Variants in CCDC77 observed in about 807,000 individuals in gnomAD.
CCDC77 encodes coiled-coil domain-containing protein 77.
Under a neutral mutation model 66.8 loss-of-function variants are expected in CCDC77, and 56 were observed. The observed-to-expected ratio is 0.84, with a 90% confidence interval of 0.68 to 1.05. CCDC77 has a LOEUF of 1.05. Among genes scored for constraint, CCDC77 ranks in the 50% least tolerant of loss-of-function variants. The probability of loss-of-function intolerance (pLI) is 0.00; values close to 1 mark genes in which losing one functional copy is unlikely to be tolerated. For missense variants in CCDC77, 570 were observed against 576.8 expected (o/e 0.99, Z 0.12); for synonymous variants, 196 against 195.2 (o/e 1.00, Z -0.03).
intron 5 of CCDC77, among the ~76,000 whole-genome samples, chr12:427,979 A>G (rs1385157180): frequency 6.6e-6 from 1 of 152,166 alleles, no homozygotes; most frequent in Non-Finnish European, 1.5e-5. Flanking sequence ...CTTCAGAGAT[A>G]TCCTGAACTG....
intron 8 of CCDC77, among the ~76,000 whole-genome samples, chr12:432,907 G>A (rs1443300967): frequency 1.3e-5 from 2 of 152,126 alleles, no homozygotes; most frequent in Non-Finnish European, 2.9e-5. Context: ...GGGTGTGGTG[G>A]TACACACCTG....
chr12:425,112 G>A (rs1945502544), intron 5 of CCDC77, among the ~76,000 whole-genome samples: 1 of 151,120 alleles, frequency 6.6e-6, no homozygotes, highest in African/African-American at 2.4e-5. Context: ...TGTATTTTTT[G>A]TAGAGACAGG....
chr12:389,909 A>G (rs1565557848), intron 1 of CCDC77: 1 of 152,194 alleles, frequency 6.6e-6, no homozygotes, highest in Non-Finnish European at 1.5e-5. Flanking sequence ...GGTCTAACCC[A>G]TCCCCTAAAT....
At chr12:429,788 T>G (rs968628992) in intron 6 of CCDC77, among the ~76,000 whole-genome samples, 22 of 151,762 alleles carry the variant, frequency 1.4e-4, no homozygotes, top group African/African-American at 5.1e-4. Context: ...ACAATAAAAA[T>G]TTTAAAAAAA....
intron 2 of CCDC77, among the ~76,000 whole-genome samples, chr12:408,665 C>T (rs781276271): frequency 2.2e-4 from 33 of 152,122 alleles, no homozygotes; most frequent in Non-Finnish European, 4.4e-4. Flanking sequence ...CTGCACCTCG[C>T]TCTATGTACT....
Position 418,514 on chromosome 12 carries a change from G to T in CCDC77, c.291G>T (p.Leu97Phe). 6.2e-7 allele frequency: 1 copy of T among 1,614,048 alleles called. No individual in the cohort carries two copies. Among genetic ancestry groups the T allele is most frequent in the Non-Finnish European group, 8.5e-7 (1 of 1,179,968 alleles). Residue 97 changes from leucine (L) to phenylalanine (F), a missense_variant, in exon 5 of 13, where the codon TTG (leucine) becomes TTT (phenylalanine). By Grantham distance (22) the Leu-to-Phe change is conservative. Transcript: ENST00000239830. ...TGCAGCATAAACTTGAATGTGATTTGCAGCAGAGGGAGGAAGAGATTGCTG... is the reference window on the plus strand; with the variant it reads ...TGCAGCATAAACTTGAATGTGATTTTCAGCAGAGGGAGGAAGAGATTGCTG... ...CEGQHKLECD[L>F]QQREEEIAEL...
intron 7 of CCDC77, among the ~76,000 whole-genome samples, chr12:431,333 C>T (rs1246378655): frequency 6.6e-6 from 1 of 151,736 alleles, no homozygotes; most frequent in African/African-American, 2.4e-5. Context: ...ATTCTCCTAC[C>T]TCAACCTCCT....
intron 1 of CCDC77, chr12:389,581 G>GGGCGA (rs1316918944): frequency 7.2e-6 from 2 of 278,474 alleles, no homozygotes; most frequent in East Asian, 6.1e-5. Context: ...CAACGAGGCG[G>GGGCGA]GGCGAGGCGC....
At chr12:389,774 C>G (rs746770381) in intron 1 of CCDC77, among the ~76,000 whole-genome samples, 36 of 152,238 alleles carry the variant, frequency 2.4e-4, no homozygotes, top group Non-Finnish European at 4.8e-4. Context: ...TTAACCTACC[C>G]TGCTGCGTTT....
At chr12:441,618 C>A (rs1196567268) in intron 12 of CCDC77, among the ~76,000 whole-genome samples, 156 bp from the exon 13 acceptor site, 6 of 152,104 alleles carry the variant, frequency 3.9e-5, no homozygotes, top group Admixed American at 3.9e-4. Context: ...CTACATTTTC[C>A]TTCTTTAGTT....
At chr12:422,238 TCTG>T (rs1260666444) in intron 5 of CCDC77, among the ~76,000 whole-genome samples, 6 of 152,130 alleles carry the variant, frequency 3.9e-5, no homozygotes, top group Non-Finnish European at 4.4e-5. Flanking sequence ...ACAGTGCTCT[TCTG>T]TGTGTGTGTG....
At chr12:409,571 C>T (rs1158200297) in intron 3 of CCDC77, 150 bp downstream of exon 3, 7 of 692,912 alleles carry the variant, frequency 1.0e-5, no homozygotes, top group Non-Finnish European at 1.7e-5. Context: ...GGATGGGGTG[C>T]AGTGGTGCAA....
At chr12:423,493 T>TTTA (rs1945469178) in intron 5 of CCDC77, among the ~76,000 whole-genome samples, 1 of 34,368 alleles carries the variant, frequency 2.9e-5, no homozygotes, top group African/African-American at 1.3e-4. Flanking sequence ...TTTTTTGTTT[T>TTTA]GTTTTTTTTT....
chr12:402,430 A>G (rs1330758898), intron 1 of CCDC77, among the ~76,000 whole-genome samples: 6 of 152,250 alleles, frequency 3.9e-5, no homozygotes, highest in Admixed American at 2.6e-4. Flanking sequence ...GTGGTATTTA[A>G]GATGAGTTTT....
At chr12:440,420 C>G (rs1294313207) in intron 10 of CCDC77, among the ~76,000 whole-genome samples, 197 bp from the exon 11 acceptor site, 1 of 152,222 alleles carries the variant, frequency 6.6e-6, no homozygotes, top group African/African-American at 2.4e-5. Flanking sequence ...ACTGTGTACA[C>G]TTTAGAAAAA....
At chr12:429,492 A>G (rs1439806755) in intron 6 of CCDC77, among the ~76,000 whole-genome samples, 1 of 146,540 alleles carries the variant, frequency 6.8e-6, no homozygotes, top group South Asian at 2.1e-4. Context: ...ACAAAGTCTC[A>G]TTCTGTTACA....
At chr12:418,823 C>G (rs1264566080) in intron 5 of CCDC77, 187 bp downstream of exon 5, 4 of 588,640 alleles carry the variant, frequency 6.8e-6, no homozygotes, top group African/African-American at 1.9e-5. Flanking sequence ...CTCAGCCTCT[C>G]GAGTAGCTGG....
At chr12:436,035 C>T (rs1269255361) in intron 9 of CCDC77, among the ~76,000 whole-genome samples, 1 of 152,074 alleles carries the variant, frequency 6.6e-6, no homozygotes, top group African/African-American at 2.4e-5. Context: ...CCACTGTGCC[C>T]AGCCTTGCAC....
At chr12:414,467 CT>C (rs1484555418) in intron 4 of CCDC77, among the ~76,000 whole-genome samples, 1 of 152,180 alleles carries the variant, frequency 6.6e-6, no homozygotes, top group Non-Finnish European at 1.5e-5. Flanking sequence ...ATTAACAACT[CT>C]CTTTCCTTAC....
Sources: allele counts gnomAD v4.1 joint callset (sites outside exome capture counted in the v4.1 genomes callset), GRCh38; gene constraint gnomAD v4.1.1; transcripts MANE v1.5; gene names NCBI Gene and HGNC (gene_info 2026-07-23, HGNC 2026-07-21).